The following STK26 variants were observed in gnomAD, a reference collection of about 807,000 sequenced individuals.
STK26 encodes serine/threonine kinase 26, also known as serine/threonine-protein kinase 26.
A neutral mutation model predicts 34.7 loss-of-function variants in STK26; 14 were observed. The ratio of observed to expected loss-of-function variants is 0.40; its 90% CI spans 0.27 to 0.63. The LOEUF (loss-of-function observed/expected upper bound fraction) is 0.63, where lower values mean the gene tolerates loss of function less well. Ranked by LOEUF, STK26 falls within the 30% of genes least tolerant of loss-of-function variation. The pLI is 0.38. For missense variants in STK26, 226 were observed against 309.1 expected, an observed-to-expected ratio of 0.73 and a Z score of 2.02; for synonymous variants, 100 against 109.8, an observed-to-expected ratio of 0.91 and a Z score of 0.56.
intron 9 of STK26, 21 bp from the exon 10 acceptor site, chrX:132,072,792 A>G (rs1445634677): frequency 1.7e-6 from 2 of 1,190,298 alleles, no homozygotes; most frequent in East Asian, 5.9e-5. Context: ...CATGTGTATA[A>G]TCTATATTAT....
chrX:132,040,554 C>T (rs1030107449), intron 2 of STK26, among the ~76,000 whole-genome samples: 3 of 111,106 alleles, frequency 2.7e-5, no homozygotes, highest in African/African-American at 6.5e-5. Flanking sequence ...GTATTTTTCT[C>T]GGTTTCTAGA....
At chrX:132,073,179 C>CCATTCCAT in intron 11 of STK26, 86 bp downstream of exon 11, 1 of 987,375 alleles carries the variant, frequency 1.0e-6, no homozygotes, top group Non-Finnish European at 1.4e-6. Flanking sequence ...TTTGATTCAA[C>CCATTCCAT]CATTCCAATT....
At chrX:132,071,294 C>A (rs1369997172) in intron 8 of STK26, 77 bp downstream of exon 8, 1 of 1,037,067 alleles carries the variant, frequency 9.6e-7, no homozygotes, top group Non-Finnish European at 1.3e-6. Context: ...CTCCAGTGTG[C>A]TTGTTCTAGC....
chrX:132,034,401 G>C (rs1925967733), intron 2 of STK26, among the ~76,000 whole-genome samples: 1 of 92,806 alleles, frequency 1.1e-5, no homozygotes, highest in Non-Finnish European at 2.1e-5. Context: ...CCGCCTCCCG[G>C]GTTCACGCCA....
At chrX:132,062,261 C>T (rs1927076984) in intron 3 of STK26, among the ~76,000 whole-genome samples, 1 of 112,068 alleles carries the variant, frequency 8.9e-6, no homozygotes, top group African/African-American at 3.2e-5. Flanking sequence ...TCAGAGAATA[C>T]CACTCATGAA....
intron 2 of STK26, among the ~76,000 whole-genome samples, chrX:132,045,082 C>T (rs1456570713): frequency 1.9e-5 from 2 of 107,604 alleles, no homozygotes; most frequent in Non-Finnish European, 3.8e-5. Context: ...TGACTTCCTC[C>T]GGGATAGTCA....
chrX:132,025,965 G>A (rs1935091595), intron 2 of STK26, among the ~76,000 whole-genome samples: 1 of 111,705 alleles, frequency 9.0e-6, no homozygotes, highest in Admixed American at 9.5e-5. Flanking sequence ...GAAAACTTCA[G>A]TTAGCCATGT....
chrX:132,072,561 A>ATT lies in STK26; in HGVS notation c.1026+205_1026+206dup, dbSNP rs3215613. Reference sequence around the variant, plus strand: ...AAGTTATTTAAGTGGCCATATTGGTATTTTTTAAGTGCATTTCACCTGGAG... The same window carrying ATT: ...AAGTTATTTAAGTGGCCATATTGGTATTTTTTTTAAGTGCATTTCACCTGGAG... On this transcript the variant is annotated intron_variant, in intron 9 of 11. Transcript: ENST00000394334. Among the ~76,000 whole-genome samples, 10 of 109,952 alleles carry ATT rather than the reference A, an allele frequency of 9.1e-5. No homozygotes were observed. In the East Asian group the frequency reaches 2.8e-3, roughly 31 times the overall value.
Position 132,071,108 on chromosome X carries a change from G to A in STK26, c.823G>A (p.Val275Ile). The A allele has an allele frequency of 8.3e-7, 1 of 1,207,687 alleles. No individual in the cohort carries two copies. Among genetic ancestry groups the A allele is most frequent in the Non-Finnish European group, 1.1e-6 (1 of 893,028 alleles). The change falls in exon 8 of 12, where the codon GTA becomes ATA. Residue 275 changes from valine to isoleucine, a missense_variant. This residue lies in a region of STK26 where 126 missense variants were observed against 132.4 expected (regional missense o/e 0.95). Transcript: ENST00000394334. ...AKELLKHKFI[V>I]KNSKKTSYLT... ...AGAACTTCTGAAACACAAATTCATT[G>A]TAAAAAATTCAAAGAAGACTTCTTA...
intron 3 of STK26, among the ~76,000 whole-genome samples, chrX:132,058,997 T>C (rs991012604): frequency 3.6e-5 from 4 of 111,805 alleles, no homozygotes; most frequent in African/African-American, 1.3e-4. Flanking sequence ...ATACCATGTA[T>C]TTAAATCACT....
chrX:132,044,800 G>A (rs1448228433), intron 2 of STK26, among the ~76,000 whole-genome samples: 1 of 55,181 alleles, frequency 1.8e-5, no homozygotes. Context: ...TATATATAGA[G>A]AGAGATCTAT....
At chrX:132,057,392 T>A (rs1188747370) in intron 3 of STK26, among the ~76,000 whole-genome samples, 1 of 111,604 alleles carries the variant, frequency 9.0e-6, no homozygotes, top group East Asian at 2.8e-4. Context: ...TTCATCTTTG[T>A]TCCTAGACAT....
chrX:132,050,490 G>A (rs2055891048), intron 2 of STK26, among the ~76,000 whole-genome samples: 1 of 111,305 alleles, frequency 9.0e-6, no homozygotes, highest in South Asian at 3.8e-4. Context: ...TCATGCAGTC[G>A]ACCCTGCGGA....
At chrX:132,060,604 T>G (rs967772348) in intron 3 of STK26, among the ~76,000 whole-genome samples, 3 of 109,983 alleles carry the variant, frequency 2.7e-5, no homozygotes, top group Middle Eastern at 4.6e-3. Flanking sequence ...GTTTTTTTTT[T>G]GTTTTGTTTT....
chrX:132,035,788 CA>C lies in STK26; in HGVS notation c.42+12140del, dbSNP rs201183460. ...TAGACCTATTATTATGTCCCCCCCT[CA>C]AAAAAAAAAACAAACAAACCAGACT... is the stretch of plus-strand genomic sequence containing the variant. On this transcript the variant is annotated intron_variant, in intron 2 of 11. Transcript: ENST00000394334. Among the ~76,000 whole-genome samples, 69 of 93,961 alleles carry C rather than the reference CA, an allele frequency of 7.3e-4. 1 individual carries two copies. The highest frequency in any genetic ancestry group is 1.8e-3 in the African/African-American group (47 of 25,430). The allele number at this position is 93,961 out of a possible 115,157, so 81.6% of individuals were successfully genotyped here.
intron 2 of STK26, among the ~76,000 whole-genome samples, chrX:132,023,907 G>A (rs1357593128): frequency 8.9e-6 from 1 of 112,195 alleles, no homozygotes; most frequent in Non-Finnish European, 1.9e-5. Flanking sequence ...GGGCGGTTGG[G>A]GGTATAAAAA....
At chrX:132,036,812 T>C (rs1926068870) in intron 2 of STK26, among the ~76,000 whole-genome samples, 2 of 112,029 alleles carry the variant, frequency 1.8e-5, no homozygotes, top group African/African-American at 6.5e-5. Flanking sequence ...GTATTGCACA[T>C]GAAGTATATT....
chrX:132,071,128 T>C lies in STK26; in HGVS notation c.843T>C (p.Thr281=). The C allele has an allele frequency of 8.3e-7, 1 of 1,208,549 alleles. No individual in the cohort carries two copies. Among genetic ancestry groups the C allele is most frequent in the Non-Finnish European group, 1.1e-6 (1 of 892,668 alleles). ...TCATTGTAAAAAATTCAAAGAAGACTTCTTATCTGACTGAACTGATAGATC... is the reference window on the plus strand; with the variant it reads ...TCATTGTAAAAAATTCAAAGAAGACCTCTTATCTGACTGAACTGATAGATC... ...HKFIVKNSKK[T]SYLTELIDRF... Residue 281 remains threonine (T), a synonymous_variant, in exon 8 of 12, where the codon ACT becomes ACC. Coordinates refer to ENST00000394334, the MANE Select transcript of STK26 (RefSeq NM_016542.4).
chrX:132,035,875 A>ACACACACACT (rs1926031287), intron 2 of STK26, among the ~76,000 whole-genome samples: 1 of 95,196 alleles, frequency 1.1e-5, no homozygotes, highest in African/African-American at 3.9e-5. Flanking sequence ...ACACACACAC[A>ACACACACACT]CTCATTCACA....
Sources: gnomAD v4.1 joint callset for allele counts (sites outside exome capture counted in the v4.1 genomes callset) on GRCh38, gnomAD v4.1.1 for gene constraint, gnomAD v4.1.1 regional missense constraint, MANE v1.5 for transcripts, NCBI Gene and HGNC (gene_info 2026-07-23, HGNC 2026-07-21) for gene names.